Variants in CENPP observed in about 807,000 individuals in gnomAD.
The protein encoded by CENPP is centromere protein P.
A neutral mutation model predicts 35.6 loss-of-function variants in CENPP; 24 were observed. The observed-to-expected ratio is 0.67, with a 90% CI of 0.49 to 0.95. CENPP has a LOEUF of 0.95. Among genes scored for constraint, CENPP ranks in the 40% least tolerant of loss-of-function variants. The pLI, the probability that CENPP is intolerant of heterozygous loss-of-function variation, is 0.00. For missense variants in CENPP, 332 were observed against 345.3 expected (o/e 0.96, Z 0.31); for synonymous variants, 120 against 125.5 (o/e 0.96, Z 0.29).
chr9:92,394,853 C>G (rs953365477), intron 5 of CENPP, among the ~76,000 whole-genome samples: 1 of 151,608 alleles, frequency 6.6e-6, no homozygotes, highest in Non-Finnish European at 1.5e-5. Context: ...GTGATCTGCC[C>G]GCCTCAGCCT....
intron 5 of CENPP, among the ~76,000 whole-genome samples, chr9:92,606,118 C>T (rs1205957141): frequency 6.6e-6 from 1 of 151,972 alleles, no homozygotes; most frequent in Non-Finnish European, 1.5e-5. Context: ...AAAAATTAGC[C>T]AGGTGTGGTG....
chr9:92,452,375 G>A (rs1163843300), intron 5 of CENPP, among the ~76,000 whole-genome samples: 25 of 152,226 alleles, frequency 1.6e-4, no homozygotes, highest in Non-Finnish European at 2.9e-4. Flanking sequence ...TTTTGTCTTT[G>A]GTTGTGTTTA....
intron 5 of CENPP, chr9:92,456,743 G>A (rs979428666): frequency 3.6e-5 from 6 of 165,138 alleles, no homozygotes; most frequent in Admixed American, 6.6e-5. Context: ...ACATAAAGAC[G>A]GGCTCTAAGA....
At position 92,455,476 on chromosome 9, in the gene CENPP, A is replaced by G. The variant is rs193264926; in HGVS notation, c.564+75617A>G. On this transcript the variant is annotated intron_variant, in intron 5 of 7. Transcript: ENST00000375587. ...TCTAGTGTGTAGAGACCAGGGTGCA[A>G]CTAAAAGATGTACAGGGCAGCCCCT... 2.0e-5 allele frequency among the ~76,000 whole-genome samples: 3 copies of G among 152,206 alleles called. No homozygotes were observed. The East Asian group carries it at 5.8e-4, about 29-fold the overall frequency.
intron 5 of CENPP, among the ~76,000 whole-genome samples, chr9:92,477,229 G>C (rs1291317269): frequency 1.3e-5 from 2 of 152,252 alleles, no homozygotes; most frequent in East Asian, 3.9e-4. Flanking sequence ...ATGGGGTCCT[G>C]GTAAAGGTTA....
chr9:92,539,061 G>A (rs1849253947), intron 5 of CENPP: 1 of 152,120 alleles, frequency 6.6e-6, no homozygotes, highest in African/African-American at 2.4e-5. Context: ...GTTTTACCTT[G>A]TTCAGCCCGA....
In CENPP at chr9:92,593,248, G is replaced by A. The variant is rs1171213330; in HGVS notation, c.565-18066G>A. Among the ~76,000 whole-genome samples, 1 of 152,250 alleles carries A rather than the reference G, an allele frequency of 6.6e-6. No homozygotes were observed. Among genetic ancestry groups the A allele is most frequent in the Admixed American group, 6.5e-5 (1 of 15,288 alleles). ...TGAGAAGGATTTGTCACCAGAAGAA[G>A]GGAGATGAGAAGGCTCACTGGACAA... is the stretch of plus-strand genomic sequence containing the variant. On this transcript the variant is annotated intron_variant, in intron 5 of 7. Coordinates refer to ENST00000375587, the MANE Select transcript of CENPP (RefSeq NM_001012267.3). This position sits in a 1 kb window ranked among gnomAD's most constrained non-coding sequence, Gnocchi z 4.1.
At chr9:92,603,529 T>G (rs1335849251) in intron 5 of CENPP, among the ~76,000 whole-genome samples, 3 of 152,152 alleles carry the variant, frequency 2.0e-5, no homozygotes, top group Non-Finnish European at 2.9e-5. Flanking sequence ...CAGACATGTC[T>G]CTGCTACTTT....
chr9:92,402,534 C>A (rs932360999), intron 5 of CENPP, among the ~76,000 whole-genome samples: 2 of 152,300 alleles, frequency 1.3e-5, no homozygotes, highest in South Asian at 4.1e-4. Context: ...CCTTACCCAG[C>A]ATTCATTTCT....
chr9:92,540,360 C>T (rs1265932729), intron 5 of CENPP, among the ~76,000 whole-genome samples: 1 of 151,582 alleles, frequency 6.6e-6, no homozygotes, highest in Non-Finnish European at 1.5e-5. Context: ...ATCCCTTGAA[C>T]CCAGGCGGCA....
chr9:92,409,231 A>G (rs888950785), intron 5 of CENPP, among the ~76,000 whole-genome samples: 1 of 152,228 alleles, frequency 6.6e-6, no homozygotes, highest in Non-Finnish European at 1.5e-5. Context: ...ATTGGAACAT[A>G]TAAGAAACTT....
At chr9:92,471,626 A>G (rs1265636685) in intron 5 of CENPP, among the ~76,000 whole-genome samples, 1 of 151,860 alleles carries the variant, frequency 6.6e-6, no homozygotes, top group Non-Finnish European at 1.5e-5. Flanking sequence ...AATTAGTTGT[A>G]AATTCTTTGA....
intron 5 of CENPP, among the ~76,000 whole-genome samples, chr9:92,435,188 C>A (rs1027295834): frequency 1.3e-5 from 2 of 152,118 alleles, no homozygotes; most frequent in Non-Finnish European, 2.9e-5. Flanking sequence ...AGATGTTTGT[C>A]TTTATCACCC....
chr9:92,534,425 C>T (rs189206674), intron 5 of CENPP, among the ~76,000 whole-genome samples: 3 of 152,262 alleles, frequency 2.0e-5, no homozygotes, highest in East Asian at 1.9e-4. Context: ...GTTCAACAAA[C>T]GGCAGTCTCT....
intron 5 of CENPP, among the ~76,000 whole-genome samples, chr9:92,546,754 T>A (rs1242680792): frequency 6.6e-6 from 1 of 152,204 alleles, no homozygotes; most frequent in Non-Finnish European, 1.5e-5. Context: ...AACAATTTTA[T>A]GCTAGTAAAT....
intron 5 of CENPP, among the ~76,000 whole-genome samples, chr9:92,427,841 A>G (rs1257382291): frequency 6.6e-6 from 1 of 152,156 alleles, no homozygotes; most frequent in African/African-American, 2.4e-5. Flanking sequence ...GATATTTAGA[A>G]CTAAATATGG....
At chr9:92,458,971 C>T (rs1588144622) in intron 5 of CENPP, among the ~76,000 whole-genome samples, 2 of 152,104 alleles carry the variant, frequency 1.3e-5, no homozygotes, top group South Asian at 4.1e-4. Flanking sequence ...TCTCAAGCTC[C>T]TTGGAAGATG....
intron 5 of CENPP, chr9:92,459,909 A>G: frequency 1.5e-6 from 1 of 680,592 alleles, no homozygotes; most frequent in East Asian, 2.9e-5. Flanking sequence ...TACTTTATTT[A>G]ATAACCTACT....
chr9:92,609,738 G>C (rs1010522392), intron 5 of CENPP, among the ~76,000 whole-genome samples: 4 of 152,244 alleles, frequency 2.6e-5, no homozygotes, highest in African/African-American at 9.6e-5. Flanking sequence ...TTTTGTGTGT[G>C]TGTGTTTTTG....
Sources: gnomAD v4.1 joint callset for allele counts (sites outside exome capture counted in the v4.1 genomes callset) on GRCh38, gnomAD v4.1.1 for gene constraint, Gnocchi (gnomAD v3.1) non-coding constraint, MANE v1.5 for transcripts, NCBI Gene and HGNC (gene_info 2026-07-23, HGNC 2026-07-21) for gene names.